Variants in SYT2 observed in about 807,000 individuals in gnomAD.
SYT2 encodes synaptotagmin-2.
Under a neutral mutation model 39.9 loss-of-function variants are expected in SYT2, and 15 were observed. That is an observed-to-expected ratio of 0.38 (90% CI 0.25 to 0.58). SYT2 has a LOEUF of 0.58. SYT2 is among the 20% of genes least tolerant of loss of function. SYT2 has a pLI of 0.70. For missense variants in SYT2, 389 were observed against 530.3 expected (o/e 0.73, Z 2.62); for synonymous variants, 181 against 204.5 (o/e 0.89, Z 0.98).
intron 1 of SYT2, among the ~76,000 whole-genome samples, chr1:202,682,161 C>T (rs774613935): frequency 1.3e-5 from 2 of 152,182 alleles, no homozygotes; most frequent in South Asian, 2.1e-4. Context: ...CATTCCCTGC[C>T]GTATTTCTCC....
intron 1 of SYT2, among the ~76,000 whole-genome samples, chr1:202,692,906 T>C (rs1053837991): frequency 6.6e-6 from 1 of 152,108 alleles, no homozygotes; most frequent in South Asian, 2.1e-4. Context: ...CAAAAAAAAG[T>C]TTTAAAAATA....
intron 1 of SYT2, chr1:202,636,423 T>C (rs553434421): frequency 1.0e-6 from 1 of 984,690 alleles, no homozygotes; most frequent in East Asian, 1.1e-4. Context: ...CTAGGCTCAC[T>C]GGCTATTTCA....
intron 1 of SYT2, among the ~76,000 whole-genome samples, chr1:202,695,539 G>C (rs972416572): frequency 6.6e-6 from 1 of 152,184 alleles, no homozygotes; most frequent in East Asian, 1.9e-4. Flanking sequence ...AGAGAGCAAA[G>C]GTGTAATTGA....
chr1:202,605,553 C>T (rs760384013), intron 2 of SYT2, 42 bp downstream of exon 2: 1 of 1,588,468 alleles, frequency 6.3e-7, no homozygotes, highest in Admixed American at 1.7e-5. Flanking sequence ...CTCTCCCAGA[C>T]TCTAGCCTTG....
At chr1:202,644,687 T>TC (rs553541160) in intron 1 of SYT2, among the ~76,000 whole-genome samples, 44 of 151,920 alleles carry the variant, frequency 2.9e-4, no homozygotes, top group Non-Finnish European at 5.9e-4. Flanking sequence ...ACATTCCTCA[T>TC]CCCCCAACCC....
At chr1:202,651,507 A>G (rs1692193766) in intron 1 of SYT2, among the ~76,000 whole-genome samples, 1 of 152,188 alleles carries the variant, frequency 6.6e-6, no homozygotes, top group South Asian at 2.1e-4. Flanking sequence ...TCATTGACTC[A>G]TAAATCATAC....
At chr1:202,653,229 CT>C (rs1480097721) in intron 1 of SYT2, among the ~76,000 whole-genome samples, 3 of 152,168 alleles carry the variant, frequency 2.0e-5, no homozygotes, top group Non-Finnish European at 2.9e-5. Context: ...CGGACCCCCC[CT>C]GAACCGTCCA....
At chr1:202,640,076 C>T (rs1360077626) in intron 1 of SYT2, among the ~76,000 whole-genome samples, 1 of 152,158 alleles carries the variant, frequency 6.6e-6, no homozygotes, top group African/African-American at 2.4e-5. Context: ...AAGGAGCAAG[C>T]CAAGATGGGA....
At chr1:202,657,985 G>T (rs2149104632) in intron 1 of SYT2, among the ~76,000 whole-genome samples, 1 of 152,300 alleles carries the variant, frequency 6.6e-6, no homozygotes, top group Non-Finnish European at 1.5e-5. Context: ...CACTCAGCAT[G>T]TTTCAAAGCA....
chr1:202,648,617 A>C (rs1299645558), intron 1 of SYT2, among the ~76,000 whole-genome samples: 1 of 152,164 alleles, frequency 6.6e-6, no homozygotes, highest in Non-Finnish European at 1.5e-5. Flanking sequence ...TGAGATGCAT[A>C]CCTCAAACCC....
rs1691594839 is a variant in SYT2 at position 202,631,613 on chromosome 1, T to A, written c.-17-25824A>T. On this transcript the variant is annotated intron_variant, in intron 1 of 8. Coordinates refer to ENST00000367268, the MANE Select transcript of SYT2 (RefSeq NM_177402.5). ...TCATGAAGAGTGACTTGCGGCTCCT[T>A]CACAGCACCGAGGGCTGGAGCCAGA... Among the ~76,000 whole-genome samples, 3 of 152,088 alleles carry A rather than the reference T, an allele frequency of 2.0e-5. No homozygotes were observed. The South Asian group carries it at 6.2e-4, about 32-fold the overall frequency.
chr1:202,646,432 T>A (rs1424002108), intron 1 of SYT2, among the ~76,000 whole-genome samples: 1 of 152,092 alleles, frequency 6.6e-6, no homozygotes, highest in Admixed American at 6.6e-5. Context: ...CGCTTATCCT[T>A]CCTTGTTCTA....
At chr1:202,602,873 C>T in intron 4 of SYT2, 126 bp downstream of exon 4, 1 of 1,236,542 alleles carries the variant, frequency 8.1e-7, no homozygotes, top group Non-Finnish European at 1.1e-6. Flanking sequence ...CAGTTTCCAG[C>T]CTGCCTCATT....
chr1:202,598,524 G>A (rs754900355), intron 8 of SYT2, among the ~76,000 whole-genome samples: 3 of 152,028 alleles, frequency 2.0e-5, no homozygotes, highest in Non-Finnish European at 2.9e-5. Context: ...GCCCTCCTGC[G>A]GGGAGGAGAG....
rs1166582716 is a variant in SYT2, at chr1:202,601,042, G to A, written c.802-568C>T. 6.6e-6 allele frequency among the ~76,000 whole-genome samples: 1 copy of A among 152,196 alleles called. No homozygotes were observed. The highest frequency in any genetic ancestry group is 1.5e-5 in the Non-Finnish European group (1 of 68,034). Reference sequence around the variant, plus strand: ...GTTACTATCACTGCAACTCTTTGATGTAAACAAGACAAGAATTCTTTGTAA... The same window carrying A: ...GTTACTATCACTGCAACTCTTTGATATAAACAAGACAAGAATTCTTTGTAA... On this transcript the variant is annotated intron_variant, in intron 6 of 8. Transcript: ENST00000367268. The surrounding 1 kb of genome is among the most constrained non-coding windows in gnomAD (Gnocchi z 4.0).
chr1:202,705,368 G>T (rs1301185759), intron 1 of SYT2, among the ~76,000 whole-genome samples: 1 of 152,256 alleles, frequency 6.6e-6, no homozygotes, highest in Non-Finnish European at 1.5e-5. Flanking sequence ...GCAGGGAGGA[G>T]CCCTGAGGTT....
At chr1:202,674,154 T>C (rs541313311) in intron 1 of SYT2, among the ~76,000 whole-genome samples, 1 of 152,294 alleles carries the variant, frequency 6.6e-6, no homozygotes, top group South Asian at 2.1e-4. Flanking sequence ...TGGGCTGGAG[T>C]GCGGTGGTGT....
At chr1:202,671,410 G>A (rs149125354) in intron 1 of SYT2, among the ~76,000 whole-genome samples, 1,875 of 152,308 alleles carry the variant, frequency 0.012, 17 homozygotes, top group Non-Finnish European at 0.02. Flanking sequence ...AATTTAGGCC[G>A]TCAAGATCGA....
At chr1:202,617,049 G>A (rs927472052) in intron 1 of SYT2, among the ~76,000 whole-genome samples, 6 of 152,236 alleles carry the variant, frequency 3.9e-5, no homozygotes, top group African/African-American at 7.2e-5. Flanking sequence ...AAGCCCTAGC[G>A]TGGCCTACAG....
Sources: gnomAD v4.1 joint callset for allele counts (sites outside exome capture counted in the v4.1 genomes callset) on GRCh38, gnomAD v4.1.1 for gene constraint, Gnocchi (gnomAD v3.1) non-coding constraint, MANE v1.5 for transcripts, NCBI Gene and HGNC (gene_info 2026-07-23, HGNC 2026-07-21) for gene names.